The following MEF2C variants were observed in gnomAD, a reference collection of about 807,000 sequenced individuals.
MEF2C encodes myocyte-specific enhancer factor 2C.
Under a neutral mutation model 50.5 loss-of-function variants are expected in MEF2C, and 6 were observed. That is an observed-to-expected ratio of 0.12 (90% confidence interval 0.07 to 0.23). MEF2C has a LOEUF of 0.23. MEF2C is among the 10% of genes least tolerant of loss of function. The pLI is 1.00. For synonymous variants in MEF2C, 183 were observed against 228.0 expected (o/e 0.80, Z 1.78); for missense variants, 276 against 605.0 (o/e 0.46, Z 5.70).
chr5:88,740,972 G>A (rs2152414240), intron 6 of MEF2C: 4 of 985,406 alleles, frequency 4.1e-6, no homozygotes, highest in Non-Finnish European at 4.8e-6. Flanking sequence ...TGACAGAAGA[G>A]AAAGAATAAT....
Position 88,722,718 on chromosome 5 carries a change from T to G in MEF2C, c.1308A>C (p.Arg436=). The G allele has an allele frequency of 1.2e-6, 2 of 1,613,980 alleles. No homozygotes were observed. Among genetic ancestry groups the G allele is most frequent in the African/African-American group, 1.3e-5 (1 of 75,038 alleles). ...SCSSSYDGSD[R]EDHRNEFHSP... ...AGTGGAATTCGTTCCGGTGATCCTC[T>G]CGGTCGCTCCCGTCGTACGAACTGC... The change falls in exon 11 of 11, where the codon CGA becomes CGC. Residue 436 remains arginine (R), a synonymous_variant. Coordinates refer to ENST00000504921, the MANE Select transcript of MEF2C (RefSeq NM_002397.5).
intron 1 of MEF2C, among the ~76,000 whole-genome samples, chr5:88,857,248 A>G (rs997307184): frequency 1.3e-5 from 2 of 152,142 alleles, no homozygotes; most frequent in Non-Finnish European, 2.9e-5. Flanking sequence ...TGTTTTGGCT[A>G]ATTTCTCCCA....
At chr5:88,736,105 A>G in intron 6 of MEF2C, 2 of 985,372 alleles carry the variant, frequency 2.0e-6, no homozygotes, top group Non-Finnish European at 2.4e-6. Context: ...ATATCCAATG[A>G]GATACCAAAT....
intron 1 of MEF2C, among the ~76,000 whole-genome samples, chr5:88,846,901 T>C (rs1470319396): frequency 1.3e-5 from 2 of 152,232 alleles, no homozygotes; most frequent in Non-Finnish European, 2.9e-5. Context: ...AATTGAACCA[T>C]TTTTGAAATG....
chr5:88,784,483 G>A (rs1789840641), intron 3 of MEF2C, among the ~76,000 whole-genome samples: 1 of 152,110 alleles, frequency 6.6e-6, no homozygotes, highest in African/African-American at 2.4e-5. Context: ...GTTTATAAAT[G>A]TTACAGAATC....
At chr5:88,877,957 A>G (rs980836607) in intron 1 of MEF2C, 6 of 152,004 alleles carry the variant, frequency 3.9e-5, no homozygotes, top group Non-Finnish European at 7.4e-5. Flanking sequence ...ATTTGCTTCA[A>G]TTCTCCAAGG....
In MEF2C at chr5:88,806,867, G is replaced by T. The variant is rs372777393; in HGVS notation, c.55-2066C>A. On this transcript the variant is annotated intron_variant, in intron 2 of 10. Coordinates refer to ENST00000504921, the MANE Select transcript of MEF2C (RefSeq NM_002397.5). ...CGCATGCTCCACAAGGGTATATGCC[G>T]TTTTTATTTTGCTCACTACTTTATC... is the stretch of plus-strand genomic sequence containing the variant. Among the ~76,000 whole-genome samples the T allele has an allele frequency of 7.9e-5, 12 of 152,160 alleles. No homozygotes were observed. The East Asian group carries it at 2.3e-3, about 29-fold the overall frequency.
intron 6 of MEF2C, chr5:88,740,242 G>T: frequency 3.1e-6 from 3 of 957,242 alleles, no homozygotes; most frequent in Non-Finnish European, 3.7e-6. Context: ...GCGTGTGTGT[G>T]TGTGTGTGTG....
intron 3 of MEF2C, among the ~76,000 whole-genome samples, chr5:88,787,430 G>A (rs1791496783): frequency 6.6e-6 from 1 of 152,144 alleles, no homozygotes; most frequent in Non-Finnish European, 1.5e-5. Flanking sequence ...AGGAGCTCAG[G>A]GTAGACAGCA....
At chr5:88,867,142 T>C (rs1827665320) in intron 1 of MEF2C, among the ~76,000 whole-genome samples, 1 of 152,192 alleles carries the variant, frequency 6.6e-6, no homozygotes. Flanking sequence ...ACATCAACAA[T>C]GTGGAAGTAT....
chr5:88,753,675 G>A (rs887482928), intron 4 of MEF2C, among the ~76,000 whole-genome samples: 5 of 152,304 alleles, frequency 3.3e-5, no homozygotes, highest in African/African-American at 9.6e-5. Context: ...ATAGGTGTGA[G>A]CTACCACATC....
chr5:88,761,450 G>T (rs1332611481), intron 3 of MEF2C, 122 bp from the exon 4 acceptor site: 3 of 1,178,464 alleles, frequency 2.5e-6, no homozygotes, highest in Non-Finnish European at 3.5e-6. Flanking sequence ...TTCTATTAGG[G>T]AAGAGAAACC....
At chr5:88,832,581 GC>G (rs1441112072) in intron 1 of MEF2C, among the ~76,000 whole-genome samples, 1 of 152,078 alleles carries the variant, frequency 6.6e-6, no homozygotes, top group Non-Finnish European at 1.5e-5. Flanking sequence ...ATTAAAAACA[GC>G]CTCATGAGGA....
At chr5:88,878,916 A>G (rs1054310719) in intron 1 of MEF2C, among the ~76,000 whole-genome samples, 13 of 152,036 alleles carry the variant, frequency 8.6e-5, no homozygotes, top group African/African-American at 3.1e-4. Flanking sequence ...GAGTGAATAT[A>G]AAGAGTGAAT....
intron 3 of MEF2C, among the ~76,000 whole-genome samples, chr5:88,793,473 C>T (rs1384743148): frequency 1.3e-5 from 2 of 152,094 alleles, no homozygotes; most frequent in African/African-American, 4.8e-5. Context: ...ATATCTGTAT[C>T]TCCAGGCATT....
chr5:88,766,878 T>TAA, intron 3 of MEF2C: 2 of 933,134 alleles, frequency 2.1e-6, no homozygotes, highest in Non-Finnish European at 2.6e-6. Flanking sequence ...TCCTTTCCTC[T>TAA]GATCCTGAAT....
chr5:88,797,455 CTTTTTTTTTTTTT>C (rs879036291), intron 3 of MEF2C, among the ~76,000 whole-genome samples: 2 of 63,284 alleles, frequency 3.2e-5, no homozygotes, highest in African/African-American at 1.5e-4. Context: ...CAACCCTTGC[CTTTTTTTTTTTTT>C]TTTTTTTTTT....
chr5:88,740,862 G>A (rs1216452427), intron 6 of MEF2C: 3 of 985,090 alleles, frequency 3.0e-6, no homozygotes, highest in Non-Finnish European at 3.6e-6. Flanking sequence ...CTGTCTCTTT[G>A]CTAAAAATGA....
chr5:88,848,466 T>A (rs1054777170), intron 1 of MEF2C, among the ~76,000 whole-genome samples: 3 of 152,216 alleles, frequency 2.0e-5, no homozygotes, highest in African/African-American at 7.2e-5. Context: ...ATAGTAATGA[T>A]AATAGGCAAT....
Sources: gnomAD v4.1 joint callset for allele counts (sites outside exome capture counted in the v4.1 genomes callset) on GRCh38, gnomAD v4.1.1 for gene constraint, MANE v1.5 for transcripts, NCBI Gene and HGNC (gene_info 2026-07-23, HGNC 2026-07-21) for gene names.